MAPK10: variants seen among roughly 807,000 people sequenced by gnomAD.
The protein encoded by MAPK10 is mitogen-activated protein kinase 10, also known as JNK3 alpha protein kinase.
Under a neutral mutation model 59.3 loss-of-function variants are expected in MAPK10, and 25 were observed. That is an observed-to-expected ratio of 0.42 (90% CI 0.31 to 0.59). The LOEUF (loss-of-function observed/expected upper bound fraction) is 0.59, where lower values mean the gene tolerates loss of function less well. MAPK10 is among the 20% of genes least tolerant of loss of function. MAPK10 has a pLI of 0.15. For synonymous variants in MAPK10, 190 were observed against 200.5 expected, an observed-to-expected ratio of 0.95 and a Z score of 0.44; for missense variants, 351 against 568.9, an observed-to-expected ratio of 0.62 and a Z score of 3.90.
At chr4:86,384,452 G>A (rs1741195946) in intron 1 of MAPK10, among the ~76,000 whole-genome samples, 1 of 152,110 alleles carries the variant, frequency 6.6e-6, no homozygotes, top group South Asian at 2.1e-4. Context: ...CAGAAGGCTT[G>A]GTAAGGACTC....
At chr4:86,350,505 C>T (rs546256372) in intron 2 of MAPK10, among the ~76,000 whole-genome samples, 3 of 152,076 alleles carry the variant, frequency 2.0e-5, no homozygotes, top group African/African-American at 7.2e-5. Context: ...TGAGCCACCA[C>T]GTCTGGCCAA....
chr4:86,136,548 A>T (rs923264569), intron 4 of MAPK10, among the ~76,000 whole-genome samples: 1 of 150,706 alleles, frequency 6.6e-6, no homozygotes, highest in Non-Finnish European at 1.5e-5. Flanking sequence ...TAAACATGGA[A>T]AGGAACAACC....
At chr4:86,116,345 CCAACATTATACTAATCAAGACTTATT>C (rs1384141136) in intron 4 of MAPK10, among the ~76,000 whole-genome samples, 2 of 152,130 alleles carry the variant, frequency 1.3e-5, no homozygotes, top group African/African-American at 2.4e-5. Context: ...TCCTCTACAG[CCAACATTATACTAATCAAGACTTATT>C]CAACATTATA....
At chr4:86,084,240 T>C (rs1404312177) in intron 9 of MAPK10, among the ~76,000 whole-genome samples, 3 of 152,214 alleles carry the variant, frequency 2.0e-5, no homozygotes, top group Non-Finnish European at 4.4e-5. Context: ...AAGCAGGCTC[T>C]TGAGTTACCA....
intron 4 of MAPK10, among the ~76,000 whole-genome samples, chr4:86,132,156 T>C (rs1019973888): frequency 2.0e-5 from 3 of 152,226 alleles, no homozygotes; most frequent in African/African-American, 7.2e-5. Flanking sequence ...AATAACCTAG[T>C]TCATAAAGGT....
intron 1 of MAPK10, among the ~76,000 whole-genome samples, chr4:86,575,863 T>TC (rs1476052945): frequency 6.6e-6 from 1 of 151,540 alleles, no homozygotes; most frequent in Admixed American, 6.6e-5. Context: ...GAGGGAAACC[T>TC]CTAACATGAG....
chr4:86,378,446 C>T (rs34238796), intron 1 of MAPK10, among the ~76,000 whole-genome samples: 3,334 of 152,050 alleles, frequency 0.022, 60 homozygotes, highest in Non-Finnish European at 0.035. Flanking sequence ...CACATCACCT[C>T]TATCCCTTAC....
At chr4:86,136,165 C>G (rs1478905119) in intron 4 of MAPK10, among the ~76,000 whole-genome samples, 1 of 152,102 alleles carries the variant, frequency 6.6e-6, no homozygotes, top group Non-Finnish European at 1.5e-5. Context: ...CCAACGTTCA[C>G]ATTCAGGAAA....
chr4:86,169,263 T>C (rs1190059550), intron 3 of MAPK10, among the ~76,000 whole-genome samples: 3 of 151,808 alleles, frequency 2.0e-5, no homozygotes, highest in Non-Finnish European at 4.4e-5. Context: ...ATCAAACTAC[T>C]CCGAGCTACA....
At chr4:86,262,398 C>T (rs1207569587) in intron 2 of MAPK10, among the ~76,000 whole-genome samples, 2 of 152,176 alleles carry the variant, frequency 1.3e-5, no homozygotes, top group Non-Finnish European at 1.5e-5. Flanking sequence ...TTCCAGTACC[C>T]TGTTGTAGCC....
At position 86,380,160 on chromosome 4, in the gene MAPK10, T is replaced by G. The variant is rs190590458; in HGVS notation, c.-121-25516A>C. The stretch of plus-strand genomic sequence containing the variant: ...TCACTTGAATCTGGGAGGCAGAGGT[T>G]GTGGTGGGCCAAGATTGCACCATTG... On this transcript the variant is annotated intron_variant, in intron 1 of 13. Transcript: ENST00000361569. 1.4e-4 allele frequency among the ~76,000 whole-genome samples: 21 copies of G among 152,092 alleles called. No homozygotes were observed. The East Asian group carries it at 3.9e-3, about 28-fold the overall frequency.
At chr4:86,448,980 G>A (rs138337878) in intron 1 of MAPK10, among the ~76,000 whole-genome samples, 90 of 152,234 alleles carry the variant, frequency 5.9e-4, no homozygotes, top group South Asian at 1.9e-3. Flanking sequence ...TAGGGTTCCT[G>A]CTTCTGAGAA....
At chr4:86,443,577 T>C (rs1384446507) in intron 1 of MAPK10, among the ~76,000 whole-genome samples, 1 of 151,048 alleles carries the variant, frequency 6.6e-6, no homozygotes, top group Non-Finnish European at 1.5e-5. Flanking sequence ...CGAGACCTAA[T>C]CACAGGACTA....
intron 1 of MAPK10, among the ~76,000 whole-genome samples, chr4:86,521,807 C>T (rs894153297): frequency 3.3e-5 from 5 of 152,140 alleles, no homozygotes; most frequent in African/African-American, 9.7e-5. Context: ...ATACTTGTAT[C>T]GGCACTTCCC....
intron 13 of MAPK10, chr4:86,024,090 T>C (rs1748910759): frequency 6.6e-6 from 1 of 151,966 alleles, no homozygotes; most frequent in Non-Finnish European, 1.5e-5. Flanking sequence ...CTATCCTGGC[T>C]GGAGTTGATT....
chr4:86,452,798 C>T (rs1335640735), intron 1 of MAPK10, among the ~76,000 whole-genome samples: 5 of 152,062 alleles, frequency 3.3e-5, no homozygotes, highest in Non-Finnish European at 7.4e-5. Context: ...GACAGAGCAG[C>T]GTGTGGAGGC....
In MAPK10 at chr4:86,304,639, G is replaced by A. The variant is rs556501042; in HGVS notation, c.-7+49891C>T. On this transcript the variant is annotated intron_variant, in intron 2 of 13. Transcript: ENST00000641462. ...GATCTCCTGACCTTGTGATCCGCCC[G>A]CCTCGGCCTCCCAAAGTGCTGGGAT... Among the ~76,000 whole-genome samples, 295 of 151,976 alleles carry A rather than the reference G, an allele frequency of 1.9e-3. 1 individual carries two copies. Among genetic ancestry groups the A allele is most frequent in the Admixed American group, 4.5e-3 (69 of 15,254 alleles).
intron 1 of MAPK10, among the ~76,000 whole-genome samples, chr4:86,409,249 A>G (rs1744807524): frequency 6.6e-6 from 1 of 152,080 alleles, no homozygotes; most frequent in African/African-American, 2.4e-5. Context: ...GTTCTGTTCC[A>G]TTAGTCTATA....
chr4:86,152,939 T>G (rs2066837978), intron 4 of MAPK10, among the ~76,000 whole-genome samples: 1 of 152,228 alleles, frequency 6.6e-6, no homozygotes, highest in Non-Finnish European at 1.5e-5. Context: ...TGAGGAATTT[T>G]GGCTTTTCCA....
Sources: gnomAD v4.1 joint callset for allele counts (sites outside exome capture counted in the v4.1 genomes callset) on GRCh38, gnomAD v4.1.1 for gene constraint, MANE v1.5 for transcripts, NCBI Gene and HGNC (gene_info 2026-07-23, HGNC 2026-07-21) for gene names.